ATXN1: variants seen among roughly 807,000 people sequenced by gnomAD.
ATXN1 encodes the protein ataxin-1.
In ATXN1, 8 loss-of-function variants were observed where a neutral mutation model predicts 56.4. The observed-to-expected ratio is 0.14, with a 90% CI of 0.08 to 0.26. The LOEUF (loss-of-function observed/expected upper bound fraction) is 0.26, where lower values mean the gene tolerates loss of function less well. Ranked by LOEUF, ATXN1 falls within the 10% of genes least tolerant of loss-of-function variation. The probability of loss-of-function intolerance (pLI) is 1.00; values close to 1 mark genes in which losing one functional copy is unlikely to be tolerated. For synonymous variants in ATXN1, 514 were observed against 494.6 expected, an observed-to-expected ratio of 1.04 and a Z score of -0.52; for missense variants, 987 against 1,106.5, an observed-to-expected ratio of 0.89 and a Z score of 1.53.
At chr6:16,693,530 T>G (rs1759093969) in intron 2 of ATXN1, among the ~76,000 whole-genome samples, 1 of 152,164 alleles carries the variant, frequency 6.6e-6, no homozygotes, top group Non-Finnish European at 1.5e-5. Context: ...GCCTGAGAAT[T>G]TAATACTAAG....
chr6:16,655,344 G>C (rs1758173137), intron 3 of ATXN1, among the ~76,000 whole-genome samples: 1 of 152,150 alleles, frequency 6.6e-6, no homozygotes, highest in Non-Finnish European at 1.5e-5. Flanking sequence ...AACATAGCGA[G>C]ACCTCGTATC....
At chr6:16,361,154 G>C (rs1466550044) in intron 6 of ATXN1, among the ~76,000 whole-genome samples, 1 of 152,190 alleles carries the variant, frequency 6.6e-6, no homozygotes, top group African/African-American at 2.4e-5. Flanking sequence ...TCTCTGAGAG[G>C]CAAGAAGAAT....
intron 3 of ATXN1, among the ~76,000 whole-genome samples, chr6:16,656,761 T>C (rs1343141870): frequency 1.3e-5 from 2 of 152,110 alleles, no homozygotes; most frequent in East Asian, 3.9e-4. Context: ...TTAGGTGACT[T>C]TGTCACTGTG....
At chr6:16,478,043 G>A (rs1760361999) in intron 6 of ATXN1, among the ~76,000 whole-genome samples, 1 of 152,160 alleles carries the variant, frequency 6.6e-6, no homozygotes, top group Admixed American at 6.6e-5. Flanking sequence ...ACGTTGCTAG[G>A]ACAACTGGCG....
intron 4 of ATXN1, among the ~76,000 whole-genome samples, chr6:16,559,671 A>G (rs551352385): frequency 3.9e-5 from 6 of 152,222 alleles, no homozygotes; most frequent in Non-Finnish European, 8.8e-5. Flanking sequence ...TTAGACACAG[A>G]AATAAGAGAG....
chr6:16,489,372 T>C (rs931856403), intron 5 of ATXN1, among the ~76,000 whole-genome samples: 1 of 152,196 alleles, frequency 6.6e-6, no homozygotes, highest in African/African-American at 2.4e-5. Flanking sequence ...TGATGATGCC[T>C]ATCATCATCA....
intron 6 of ATXN1, among the ~76,000 whole-genome samples, chr6:16,398,067 C>T (rs1758491672): frequency 6.6e-6 from 1 of 152,152 alleles, no homozygotes; most frequent in Admixed American, 6.5e-5. Context: ...TGCTTTTATG[C>T]CAATCTGTCA....
chr6:16,314,168 T>G (rs1441340353), intron 7 of ATXN1, among the ~76,000 whole-genome samples: 2 of 152,026 alleles, frequency 1.3e-5, no homozygotes, highest in Non-Finnish European at 2.9e-5. Context: ...TTTTTCCCCC[T>G]TGGGGTCTGA....
chr6:16,507,312 A>C (rs1016297487), intron 5 of ATXN1, among the ~76,000 whole-genome samples: 1 of 152,246 alleles, frequency 6.6e-6, no homozygotes, highest in Non-Finnish European at 1.5e-5. Flanking sequence ...TGAATAAATA[A>C]ATGGATAAAT....
intron 3 of ATXN1, among the ~76,000 whole-genome samples, chr6:16,620,688 C>A (rs1763304804): frequency 6.6e-6 from 1 of 152,176 alleles, no homozygotes. Context: ...CATATATGCC[C>A]CCCCAAAAGG....
Position 16,306,782 on chromosome 6 carries a change from G to A in ATXN1, c.1995C>T (p.Thr665=). 6.2e-7 allele frequency: 1 copy of A among 1,614,064 alleles called. No individual in the cohort carries two copies. The highest frequency in any genetic ancestry group is 8.5e-7 in the Non-Finnish European group (1 of 1,180,016). Residue 665 remains threonine (T), a synonymous_variant, in exon 8 of 8, where the codon ACC becomes ACT. Transcript: ENST00000436367. The surrounding 1 kb of genome is among the most constrained non-coding windows in gnomAD (Gnocchi z 5.2). ...AACACGGCAAATCAAAGAGCTGGCT[G>A]GTTCTCTCCGGACAGCAGGATGACC... ...QGWSSCCPER[T]SQLFDLPCSK...
chr6:16,731,454 C>CTTTTTTTTTTTTTTTTTTTTTTT (rs71559655), intron 2 of ATXN1, among the ~76,000 whole-genome samples: 33 of 81,784 alleles, frequency 4.0e-4, no homozygotes, highest in Non-Finnish European at 6.7e-4. Context: ...TTTTTCTTTT[C>CTTTTTTTTTTTTTTTTTTTTTTT]TTTTTTTTTT....
At chr6:16,516,322 A>T (rs1448743975) in intron 5 of ATXN1, among the ~76,000 whole-genome samples, 1 of 152,194 alleles carries the variant, frequency 6.6e-6, no homozygotes, top group African/African-American at 2.4e-5. Flanking sequence ...CCTACACGTT[A>T]TCGAGCACCT....
chr6:16,752,073 G>C (rs1489821123), intron 2 of ATXN1, among the ~76,000 whole-genome samples: 1 of 152,176 alleles, frequency 6.6e-6, no homozygotes, highest in Non-Finnish European at 1.5e-5. Context: ...TAAGATGCCA[G>C]AGAATTTATA....
intron 4 of ATXN1, among the ~76,000 whole-genome samples, chr6:16,550,644 A>T (rs1399391151): frequency 6.6e-6 from 1 of 152,210 alleles, no homozygotes; most frequent in Non-Finnish European, 1.5e-5. Flanking sequence ...ACTGAAGCTC[A>T]AAAAGGTTAG....
At chr6:16,537,046 T>TA (rs1047796897) in intron 4 of ATXN1, among the ~76,000 whole-genome samples, 1 of 152,050 alleles carries the variant, frequency 6.6e-6, no homozygotes, top group Non-Finnish European at 1.5e-5. Flanking sequence ...AAAATCTTTT[T>TA]TTTTTTTTTG....
chr6:16,575,436 G>A (rs929607842), intron 4 of ATXN1, among the ~76,000 whole-genome samples: 6 of 152,094 alleles, frequency 3.9e-5, no homozygotes, highest in South Asian at 2.1e-4. Flanking sequence ...CATTGGACTC[G>A]TTGGATATTT....
At chr6:16,626,455 C>T (rs1379250426) in intron 3 of ATXN1, among the ~76,000 whole-genome samples, 1 of 152,050 alleles carries the variant, frequency 6.6e-6, no homozygotes, top group African/African-American at 2.4e-5. Flanking sequence ...CCATGCCCAG[C>T]TAATTTTTGT....
intron 3 of ATXN1, among the ~76,000 whole-genome samples, chr6:16,586,715 T>C (rs1396718015): frequency 6.6e-6 from 1 of 152,202 alleles, no homozygotes; most frequent in Non-Finnish European, 1.5e-5. Context: ...AACACTTCTG[T>C]AGTTAGTATT....
Sources: gnomAD v4.1 joint callset for allele counts (sites outside exome capture counted in the v4.1 genomes callset) on GRCh38, gnomAD v4.1.1 for gene constraint, Gnocchi (gnomAD v3.1) non-coding constraint, MANE v1.5 for transcripts, NCBI Gene and HGNC (gene_info 2026-07-23, HGNC 2026-07-21) for gene names.